The following CFAP54 variants were observed in gnomAD, a reference collection of about 807,000 sequenced individuals.
The protein encoded by CFAP54 is cilia- and flagella-associated protein 54.
In CFAP54, 290 loss-of-function variants were observed where a neutral mutation model predicts 370.4. The ratio of observed to expected loss-of-function variants is 0.78; its 90% CI spans 0.71 to 0.86. CFAP54 has a LOEUF of 0.86. CFAP54 is among the 40% of genes least tolerant of loss of function. CFAP54 has a pLI of 0.00. For missense variants in CFAP54, 3,399 were observed against 3,528.7 expected (o/e 0.96, Z 0.93); for synonymous variants, 1,206 against 1,236.5 (o/e 0.98, Z 0.52).
intron 62 of CFAP54, among the ~76,000 whole-genome samples, chr12:96,791,184 C>CTTTTTTTTTT (rs369132463): frequency 1.5e-5 from 2 of 131,436 alleles, no homozygotes; most frequent in East Asian, 4.5e-4. Context: ...TTGAAGAACG[C>CTTTTTTTTTT]TTTTTTTTTT....
chr12:96,657,292 G>C (rs1294231686), intron 36 of CFAP54, among the ~76,000 whole-genome samples: 1 of 152,206 alleles, frequency 6.6e-6, no homozygotes, highest in Non-Finnish European at 1.5e-5. Flanking sequence ...TAGGCAAAAA[G>C]AGGGTCTCCT....
In CFAP54 at chr12:96,860,888, A is replaced by G. The variant is rs935043445; in HGVS notation, c.9241A>G (p.Ile3081Val). The change falls in exon 67 of 68, where the codon ATT becomes GTT. Residue 3081 changes from isoleucine to valine, a missense_variant. Physicochemically the swap from Ile to Val is conservative, Grantham distance 29 (BLOSUM62 3). Around this residue, in one of 3 missense-constraint regions of CFAP54, gnomAD observed 2,796 missense variants for 2,869.7 expected, o/e 0.97. Coordinates refer to ENST00000524981, the MANE Select transcript of CFAP54 (RefSeq NM_001306084.2). ...ERLFDLANGC[I>V]LSGGSLFNWI... ...ACTTTTTGATCTGGCTAATGGTTGC[A>G]TTTTATCAGGAGGAAGCCTTTTCAA... 5.2e-6 allele frequency: 8 copies of G among 1,534,990 alleles called. No homozygotes were observed. Among genetic ancestry groups the G allele is most frequent in the Admixed American group, 3.9e-5 (2 of 50,946 alleles).
intron 66 of CFAP54, among the ~76,000 whole-genome samples, chr12:96,830,834 T>C (rs1447535056): frequency 1.3e-5 from 2 of 151,794 alleles, no homozygotes; most frequent in Non-Finnish European, 1.5e-5. Context: ...AAGCGCCCCA[T>C]ACCTGGCTAA....
chr12:96,646,320 T>C (rs1485214939), intron 33 of CFAP54: 4 of 152,168 alleles, frequency 2.6e-5, no homozygotes, highest in Non-Finnish European at 4.4e-5. Flanking sequence ...AAGAATACAT[T>C]TATGCAGCCA....
In CFAP54 at chr12:96,521,568, G is replaced by A. The variant is rs149690671; in HGVS notation, c.943-289G>A. Among the ~76,000 whole-genome samples the A allele has an allele frequency of 5.1e-3, 771 of 151,710 alleles. 10 individuals carry two copies. Among genetic ancestry groups the A allele is most frequent in the African/African-American group, 0.018 (726 of 41,346 alleles). Reference sequence around the variant, plus strand: ...TGTGTGCGCGTGCGCACATGAGGACGTGCGGTGCCAAATGCTGAGAAGCGA... The same window carrying A: ...TGTGTGCGCGTGCGCACATGAGGACATGCGGTGCCAAATGCTGAGAAGCGA... On this transcript the variant is annotated intron_variant, in intron 6 of 67. Transcript: ENST00000524981.
chr12:96,738,501 C>G (rs1232808159), intron 50 of CFAP54, among the ~76,000 whole-genome samples: 1 of 152,006 alleles, frequency 6.6e-6, no homozygotes, highest in Non-Finnish European at 1.5e-5. Flanking sequence ...TGCTGGCGGT[C>G]CTTGGCGTTC....
chr12:96,641,191 T>C (rs910978329), intron 32 of CFAP54, among the ~76,000 whole-genome samples: 11 of 152,162 alleles, frequency 7.2e-5, no homozygotes, highest in African/African-American at 2.7e-4. Flanking sequence ...GACAAAGGGC[T>C]AATATCCAGA....
At chr12:96,804,998 G>C (rs1958862630) in intron 63 of CFAP54, among the ~76,000 whole-genome samples, 1 of 152,050 alleles carries the variant, frequency 6.6e-6, no homozygotes, top group Admixed American at 6.5e-5. Context: ...CTAAGGAAAG[G>C]ACACCCTGTT....
intron 42 of CFAP54, among the ~76,000 whole-genome samples, chr12:96,687,000 G>A (rs1371584380): frequency 2.0e-5 from 3 of 152,096 alleles, no homozygotes; most frequent in Admixed American, 6.6e-5. Context: ...GGCTCCTGGT[G>A]AGAAGCTGCT....
intron 17 of CFAP54, among the ~76,000 whole-genome samples, chr12:96,557,583 G>A (rs1955766840): frequency 6.6e-6 from 1 of 152,082 alleles, no homozygotes; most frequent in South Asian, 2.1e-4. Flanking sequence ...ATATATTCAT[G>A]TAAGGGAATA....
chr12:96,523,071 A>G (rs1955338342), intron 8 of CFAP54, among the ~76,000 whole-genome samples: 1 of 151,768 alleles, frequency 6.6e-6, no homozygotes, highest in African/African-American at 2.4e-5. Context: ...CCAGTTCTAT[A>G]TCGTTTTGAA....
intron 65 of CFAP54, among the ~76,000 whole-genome samples, chr12:96,828,384 C>G (rs1292624016): frequency 6.6e-6 from 1 of 152,026 alleles, no homozygotes; most frequent in East Asian, 1.9e-4. Context: ...GGCGTGGGTT[C>G]TCACTCGTCT....
intron 66 of CFAP54, among the ~76,000 whole-genome samples, chr12:96,833,024 A>G (rs2136763430): frequency 6.6e-6 from 1 of 152,346 alleles, no homozygotes; most frequent in South Asian, 2.1e-4. Flanking sequence ...ACCTTTGCCT[A>G]TGTTAACTCT....
chr12:96,797,665 C>T (rs929707617), intron 63 of CFAP54, among the ~76,000 whole-genome samples: 9 of 151,948 alleles, frequency 5.9e-5, no homozygotes, highest in Non-Finnish European at 1.0e-4. Flanking sequence ...TTATCTGATG[C>T]TAACATAGGA....
In CFAP54 at chr12:96,564,960, C is replaced by T. The variant is rs1955852110; in HGVS notation, c.2619+195C>T. 9.1e-6 allele frequency: 3 copies of T among 329,842 alleles called. 1 individual carries two copies. The South Asian group carries it at 3.4e-4, about 37-fold the overall frequency. The allele number at this position is 329,842 out of a possible 1,614,324, so 20.4% of individuals were successfully genotyped here. On this transcript the variant is annotated intron_variant, in intron 19 of 67. Transcript: ENST00000524981. The stretch of plus-strand genomic sequence containing the variant: ...TCTGAATTCTGAAATGAGAGATTCT[C>T]TTTTTATCAGAACTTCATGCAATCT...
chr12:96,838,495 A>G (rs1409619968), intron 66 of CFAP54, among the ~76,000 whole-genome samples: 1 of 152,150 alleles, frequency 6.6e-6, no homozygotes, highest in East Asian at 1.9e-4. Context: ...GGCCTCAAGA[A>G]ACAATCATGG....
Position 96,580,871 on chromosome 12 carries a change from T to G in CFAP54, c.2890-49T>G, listed in dbSNP as rs748223594. Reference sequence around the variant, plus strand: ...TTACTTAATTGTATTTTAAAAGTCATGTTATTTTAATTTTTCATGTATAAC... The same window carrying G: ...TTACTTAATTGTATTTTAAAAGTCAGGTTATTTTAATTTTTCATGTATAAC... On this transcript the variant is annotated intron_variant, in intron 21 of 67. Coordinates refer to ENST00000524981, the MANE Select transcript of CFAP54 (RefSeq NM_001306084.2). 1.2e-5 allele frequency: 16 copies of G among 1,290,706 alleles called. No homozygotes were observed. In the African/African-American group the frequency reaches 2.4e-4, roughly 20 times the overall value. 80.0% of individuals were successfully genotyped at this position (1,290,706 alleles called of 1,614,324 possible). A position where few individuals can be genotyped will look rare whatever the true frequency, so the allele number is the denominator to read the frequency against.
chr12:96,765,747 A>G (rs1338345305), intron 60 of CFAP54, among the ~76,000 whole-genome samples: 1 of 152,260 alleles, frequency 6.6e-6, no homozygotes, highest in Non-Finnish European at 1.5e-5. Context: ...CAATATCAAC[A>G]TTTGTTAAAT....
rs1565962204 is a variant in CFAP54, at chr12:96,743,712, A to G, written c.7378-19A>G. 6.4e-7 allele frequency: 1 copy of G among 1,571,560 alleles called. No individual in the cohort carries two copies. The highest frequency in any genetic ancestry group is 8.6e-7 in the Non-Finnish European group (1 of 1,158,340). ...AATTGGAAACAGTACTATCAAAATG[A>G]ATAATTTTATTTTAATAGGATATAA... On this transcript the variant is annotated intron_variant, in intron 53 of 67. Transcript: ENST00000524981.
Sources: allele counts gnomAD v4.1 joint callset (sites outside exome capture counted in the v4.1 genomes callset), GRCh38; gene constraint gnomAD v4.1.1; regional missense constraint gnomAD v4.1.1; transcripts MANE v1.5; gene names NCBI Gene and HGNC (gene_info 2026-07-23, HGNC 2026-07-21).